Variants in BRAP observed in about 807,000 individuals in gnomAD.
BRAP encodes the protein BRCA1 associated protein.
Under a neutral mutation model 73.4 loss-of-function variants are expected in BRAP, and 42 were observed. The ratio of observed to expected loss-of-function variants is 0.57; its 90% confidence interval spans 0.45 to 0.74. The LOEUF (loss-of-function observed/expected upper bound fraction) is 0.74. Among genes scored for constraint, BRAP ranks in the 30% least tolerant of loss-of-function variants. The pLI, the probability that BRAP is intolerant of heterozygous loss-of-function variation, is 0.00. For synonymous variants in BRAP, 255 were observed against 267.4 expected, an observed-to-expected ratio of 0.95 and a Z score of 0.45; for missense variants, 593 against 751.4, an observed-to-expected ratio of 0.79 and a Z score of 2.46.
intron 11 of BRAP, among the ~76,000 whole-genome samples, chr12:111,648,975 T>C (rs906672346): frequency 1.3e-5 from 2 of 152,034 alleles, no homozygotes; most frequent in Non-Finnish European, 2.9e-5. Context: ...TACTCCAGCC[T>C]GGGTGACAGG....
chr12:111,644,026 T>G lies in BRAP; in HGVS notation c.*173A>C. On this transcript the variant is annotated 3_prime_UTR_variant, in exon 12 of 12. Coordinates refer to ENST00000419234, the MANE Select transcript of BRAP (RefSeq NM_006768.5). ...CAGCGCCTTTCTATCAGCTCTCCAG[T>G]CAGCACCCTTTACATTCACTACATC... 9.6e-7 allele frequency: 1 copy of G among 1,044,226 alleles called. No individual in the cohort carries two copies. Among genetic ancestry groups the G allele is most frequent in the Non-Finnish European group, 1.3e-6 (1 of 745,072 alleles). 64.7% of individuals were successfully genotyped at this position (1,044,226 alleles called of 1,614,324 possible). A position where few individuals can be genotyped will look rare whatever the true frequency, so the allele number is the denominator to read the frequency against.
At chr12:111,659,592 T>G (rs1886666874) in intron 7 of BRAP, among the ~76,000 whole-genome samples, 1 of 152,142 alleles carries the variant, frequency 6.6e-6, no homozygotes, top group Non-Finnish European at 1.5e-5. Flanking sequence ...AGGTGGAGGT[T>G]GCAGTGACCC....
chr12:111,646,397 T>C (rs1263226213), intron 11 of BRAP, among the ~76,000 whole-genome samples: 1 of 152,182 alleles, frequency 6.6e-6, no homozygotes, highest in Non-Finnish European at 1.5e-5. Context: ...AGCTGAGACA[T>C]GAGAAAAGAG....
chr12:111,681,570 T>TG (rs1887600534), intron 3 of BRAP, 67 bp downstream of exon 3: 1 of 1,338,534 alleles, frequency 7.5e-7, no homozygotes, highest in Non-Finnish European at 1.0e-6. Context: ...CAAGAGACTA[T>TG]GCTAAAGCAA....
At chr12:111,661,486 T>G (rs1241985640) in intron 6 of BRAP, among the ~76,000 whole-genome samples, 7 of 151,656 alleles carry the variant, frequency 4.6e-5, no homozygotes, top group Non-Finnish European at 1.0e-4. Context: ...TCCCTGTTGG[T>G]CAGGCTTGTC....
rs1208447449 is a variant in BRAP at position 111,685,774 on chromosome 12, C to G, written c.19G>C (p.Val7Leu). 7 of 1,609,340 alleles carry G rather than the reference C, an allele frequency of 4.3e-6. No homozygotes were observed. The Admixed American group carries it at 6.7e-5, about 15-fold the overall frequency. Residue 7 changes from valine (V) to leucine (L), a missense_variant, in exon 1 of 12, where the codon GTT becomes CTT. Coordinates refer to ENST00000419234, the MANE Select transcript of BRAP (RefSeq NM_006768.5). MSVSLV[V>L]IRLELAEHSP... is the part of the protein sequence containing the mutation. Reference sequence around the variant, plus strand: ...TGTTCCGCGAGCTCCAATCGGATAACAACCAGTGACACACTCATAGGGCAG... The same window carrying G: ...TGTTCCGCGAGCTCCAATCGGATAAGAACCAGTGACACACTCATAGGGCAG...
intron 4 of BRAP, among the ~76,000 whole-genome samples, chr12:111,677,131 C>T (rs1387690640): frequency 2.0e-5 from 3 of 152,122 alleles, no homozygotes; most frequent in African/African-American, 7.2e-5. Flanking sequence ...ACAGTACTAC[C>T]TGCACATTAT....
At chr12:111,663,344 T>G (rs1886821946) in intron 6 of BRAP, among the ~76,000 whole-genome samples, 2 of 151,982 alleles carry the variant, frequency 1.3e-5, no homozygotes, top group South Asian at 4.1e-4. Flanking sequence ...TCCCAGCTAC[T>G]CGGGAGGCTG....
intron 5 of BRAP, among the ~76,000 whole-genome samples, chr12:111,667,028 A>G (rs1237500678): frequency 2.0e-5 from 3 of 152,240 alleles, no homozygotes; most frequent in African/African-American, 7.2e-5. Context: ...ATTTGGGTCA[A>G]GAAAAGAATA....
At chr12:111,657,177 G>A (rs1471395839) in intron 9 of BRAP, among the ~76,000 whole-genome samples, 1 of 152,080 alleles carries the variant, frequency 6.6e-6, no homozygotes, top group Non-Finnish European at 1.5e-5. Flanking sequence ...CCAAGTATCT[G>A]GGATTACAGG....
chr12:111,674,937 T>G (rs1197273964), intron 4 of BRAP, among the ~76,000 whole-genome samples: 1 of 152,162 alleles, frequency 6.6e-6, no homozygotes, highest in Non-Finnish European at 1.5e-5. Flanking sequence ...TAGAGCCCTC[T>G]TGGGGTCTAG....
chr12:111,658,933 T>C (rs1364290735), intron 8 of BRAP, 88 bp from the exon 9 acceptor site: 3 of 1,045,060 alleles, frequency 2.9e-6, no homozygotes, highest in Non-Finnish European at 4.2e-6. Context: ...TTTTTTCAGA[T>C]CTAATTTAAA....
At chr12:111,645,049 G>A (rs977602447) in intron 11 of BRAP, among the ~76,000 whole-genome samples, 4 of 151,380 alleles carry the variant, frequency 2.6e-5, no homozygotes, top group African/African-American at 9.7e-5. Flanking sequence ...GAGGCACTGC[G>A]CCAGTCCACA....
At chr12:111,650,643 T>A (rs749237684) in intron 10 of BRAP, among the ~76,000 whole-genome samples, 126 of 152,352 alleles carry the variant, frequency 8.3e-4, no homozygotes, top group Non-Finnish European at 1.5e-3. Flanking sequence ...GAGGCTTGCC[T>A]CGGCCTCCCA....
intron 3 of BRAP, 26 bp downstream of exon 3, chr12:111,681,611 C>T (rs760806630): frequency 1.5e-6 from 2 of 1,353,486 alleles, no homozygotes; most frequent in Middle Eastern, 1.9e-4. Context: ...AATTGACTAA[C>T]CCCCAAGAAA....
intron 2 of BRAP, among the ~76,000 whole-genome samples, chr12:111,682,891 AAC>A (rs920368799): frequency 1.3e-5 from 2 of 152,034 alleles, no homozygotes; most frequent in African/African-American, 4.8e-5. Context: ...TAGCCTGGGC[AAC>A]AGAGACCCTG....
chr12:111,664,238 G>A (rs994594932), intron 6 of BRAP, among the ~76,000 whole-genome samples: 1 of 152,100 alleles, frequency 6.6e-6, no homozygotes, highest in African/African-American at 2.4e-5. Flanking sequence ...AAGCTGAGGC[G>A]AGAGGATCAC....
At chr12:111,668,173 C>T (rs913493827) in intron 5 of BRAP, among the ~76,000 whole-genome samples, 1 of 152,180 alleles carries the variant, frequency 6.6e-6, no homozygotes, top group Admixed American at 6.5e-5. Context: ...CTCCAATGCA[C>T]TCCAGCCTGG....
At chr12:111,654,955 C>T (rs1272586086) in intron 10 of BRAP, among the ~76,000 whole-genome samples, 1 of 152,184 alleles carries the variant, frequency 6.6e-6, no homozygotes, top group African/African-American at 2.4e-5. Context: ...TTCAGACTAC[C>T]TTCTTTGGAA....
Sources: gnomAD v4.1 joint callset for allele counts (sites outside exome capture counted in the v4.1 genomes callset) on GRCh38, gnomAD v4.1.1 for gene constraint, MANE v1.5 for transcripts, NCBI Gene and HGNC (gene_info 2026-07-23, HGNC 2026-07-21) for gene names.